The following PAK4 variants were observed in gnomAD, a reference collection of about 807,000 sequenced individuals.
The protein encoded by PAK4 is p21 (RAC1) activated kinase 4.
Under a neutral mutation model 53.5 loss-of-function variants are expected in PAK4, and 49 were observed. The ratio of observed to expected loss-of-function variants is 0.92; its 90% CI spans 0.73 to 1.16. The LOEUF is 1.16. Ranked by LOEUF, PAK4 falls within the 50% of genes most tolerant of loss-of-function variation. The probability of loss-of-function intolerance (pLI) is 0.00; values close to 1 mark genes in which losing one functional copy is unlikely to be tolerated. For missense variants in PAK4, 824 were observed against 850.7 expected (o/e 0.97, Z 0.39); for synonymous variants, 376 against 375.6 (o/e 1.00, Z -0.01).
Position 39,178,780 on chromosome 19 carries a change from T to TGGGAGC in PAK4, c.*202_*207dup. On this transcript the variant is annotated 3_prime_UTR_variant, in exon 9 of 9. Transcript: ENST00000358301. This position sits in a 1 kb window ranked among gnomAD's most constrained non-coding sequence, Gnocchi z 4.4. ...ACTTTTAGAAAAACACAGGGACTCGTGGGAGCAAGCGAGGCTCCCAGGACC... is the reference window on the plus strand; with the variant it reads ...ACTTTTAGAAAAACACAGGGACTCGTGGGAGCGGGAGCAAGCGAGGCTCCCAGGACC... 2.0e-6 allele frequency: 1 copy of TGGGAGC among 506,400 alleles called. No homozygotes were observed. Among genetic ancestry groups the TGGGAGC allele is most frequent in the Non-Finnish European group, 3.5e-6 (1 of 287,538 alleles). The allele number at this position is 506,400 out of a possible 1,614,324, so 31.4% of individuals were successfully genotyped here.
chr19:39,140,048 G>A (rs999748405), intron 1 of PAK4, among the ~76,000 whole-genome samples: 2 of 152,134 alleles, frequency 1.3e-5, no homozygotes, highest in Non-Finnish European at 2.9e-5. Context: ...CTCGAGCTTG[G>A]CGATGGCAGT....
chr19:39,173,687 C>A lies in PAK4; in HGVS notation c.775C>A (p.Pro259Thr). The A allele has an allele frequency of 6.3e-7, 1 of 1,589,914 alleles. No individual in the cohort carries two copies. The highest frequency in any genetic ancestry group is 8.6e-7 in the Non-Finnish European group (1 of 1,168,698). The change falls in exon 4 of 9, where the codon CCT becomes ACT. Residue 259 changes from proline (P) to threonine (T), a missense_variant. By Grantham distance (38) the Pro-to-Thr change is conservative. Coordinates refer to ENST00000358301, the Ensembl canonical transcript of PAK4. This position sits in a 1 kb window ranked among gnomAD's most constrained non-coding sequence, Gnocchi z 6.9. ...CACCCGAGCCCGAGGTGCCCCCAGC[C>A]CTGGAGTGCTGGGACCCCACGCCTC...
intron 1 of PAK4, among the ~76,000 whole-genome samples, chr19:39,148,022 G>T (rs1397729051): frequency 6.8e-6 from 1 of 147,590 alleles, no homozygotes; most frequent in Non-Finnish European, 1.5e-5. Flanking sequence ...TGTGATCTCG[G>T]TTCACTGTGG....
intron 2 of PAK4, among the ~76,000 whole-genome samples, chr19:39,171,953 C>T (rs2074488744): frequency 6.6e-6 from 1 of 152,200 alleles, no homozygotes; most frequent in South Asian, 2.1e-4. Context: ...CAATCCCTGC[C>T]CAGAGCATGC....
intron 1 of PAK4, among the ~76,000 whole-genome samples, chr19:39,128,861 A>G (rs576412978): frequency 6.8e-4 from 104 of 151,966 alleles, no homozygotes; most frequent in Non-Finnish European, 1.3e-3. Flanking sequence ...GCACATTGCA[A>G]CTCCCTGGAG....
At chr19:39,136,166 T>C (rs367860505) in intron 1 of PAK4, among the ~76,000 whole-genome samples, 2 of 127,838 alleles carry the variant, frequency 1.6e-5, no homozygotes, top group East Asian at 5.0e-4. Flanking sequence ...CGTGGCCCCC[T>C]AGTTCAAGCC....
intron 1 of PAK4, among the ~76,000 whole-genome samples, chr19:39,147,768 T>C (rs1156549410): frequency 1.3e-5 from 2 of 151,852 alleles, no homozygotes; most frequent in East Asian, 1.9e-4. Context: ...TTATCTGCCA[T>C]CTGTGTATCC....
At chr19:39,177,199 G>C (rs1235669487) in intron 7 of PAK4, among the ~76,000 whole-genome samples, 1 of 152,192 alleles carries the variant, frequency 6.6e-6, no homozygotes, top group African/African-American at 2.4e-5. Flanking sequence ...GTTTTCACAG[G>C]CCGGCTTTCC....
chr19:39,152,125 A>C (rs1353130200), intron 1 of PAK4: 1 of 149,324 alleles, frequency 6.7e-6, no homozygotes, highest in East Asian at 2.0e-4. Flanking sequence ...TGTAGAGACG[A>C]GGTCTCCCTA....
intron 1 of PAK4, among the ~76,000 whole-genome samples, chr19:39,142,477 G>T (rs1198326788): frequency 6.6e-6 from 1 of 152,196 alleles, no homozygotes; most frequent in Non-Finnish European, 1.5e-5. Context: ...ACACTCTGAA[G>T]TCACTCCTAG....
intron 1 of PAK4, among the ~76,000 whole-genome samples, chr19:39,145,142 C>G (rs2073978732): frequency 6.6e-6 from 1 of 152,148 alleles, no homozygotes. Context: ...AGATTTCAGA[C>G]ACCCCCAAGA....
chr19:39,138,648 C>T (rs575013309), intron 1 of PAK4, among the ~76,000 whole-genome samples: 8 of 152,334 alleles, frequency 5.3e-5, no homozygotes, highest in South Asian at 4.1e-4. Context: ...GACCTCATGG[C>T]GGTGGCAGGA....
At chr19:39,179,520 A>G (rs990180883), downstream of PAK4, 6 of 151,884 alleles carry the variant, frequency 4.0e-5, no homozygotes, top group Admixed American at 6.6e-5. Flanking sequence ...AGGCAGGGCA[A>G]GGGTGGGGTG....
intron 1 of PAK4, among the ~76,000 whole-genome samples, chr19:39,167,475 A>G (rs1218210717): frequency 6.6e-6 from 1 of 151,704 alleles, no homozygotes; most frequent in African/African-American, 2.4e-5. Context: ...GAAGGCCACG[A>G]GGGAGGGGTG....
At chr19:39,132,251 A>G (rs921220377) in intron 1 of PAK4, among the ~76,000 whole-genome samples, 1 of 152,132 alleles carries the variant, frequency 6.6e-6, no homozygotes, top group African/African-American at 2.4e-5. Context: ...TGCATTACCT[A>G]TTCCCCTAAA....
At chr19:39,135,147 C>T (rs553928996) in intron 1 of PAK4, 1 of 152,118 alleles carries the variant, frequency 6.6e-6, no homozygotes, top group South Asian at 2.1e-4. Context: ...ACCTCCTCAC[C>T]AACATTTGGT....
intron 1 of PAK4, among the ~76,000 whole-genome samples, chr19:39,153,886 C>T (rs933713463): frequency 2.0e-5 from 3 of 152,166 alleles, no homozygotes; most frequent in Admixed American, 2.0e-4. Flanking sequence ...CCCAGTCCAA[C>T]TCTCCTGACT....
chr19:39,177,589 A>T (rs1330887247), intron 7 of PAK4, 86 bp from the exon 9 acceptor site: 1 of 1,382,852 alleles, frequency 7.2e-7, no homozygotes, highest in East Asian at 2.6e-5. Context: ...AGGCAGAGAC[A>T]GCGCTGGAGC....
chr19:39,164,959 A>G (rs1184997271), intron 1 of PAK4, among the ~76,000 whole-genome samples: 1 of 151,868 alleles, frequency 6.6e-6, no homozygotes, highest in East Asian at 2.0e-4. Flanking sequence ...TTCCTGCTGC[A>G]CAGGCCCATG....
Sources: allele counts gnomAD v4.1 joint callset (sites outside exome capture counted in the v4.1 genomes callset), GRCh38; gene constraint gnomAD v4.1.1; non-coding constraint Gnocchi (gnomAD v3.1); transcripts MANE v1.5; gene names NCBI Gene and HGNC (gene_info 2026-07-23, HGNC 2026-07-21).